Variants in PIGU observed in about 807,000 individuals in gnomAD.
The protein encoded by PIGU is GPI-anchor transamidase component PIGU.
Under a neutral mutation model 49.9 loss-of-function variants are expected in PIGU, and 24 were observed. The observed-to-expected ratio is 0.48, with a 90% CI of 0.35 to 0.68. PIGU has a LOEUF of 0.68. PIGU is among the 30% of genes least tolerant of loss of function. The probability of loss-of-function intolerance (pLI) is 0.01; values close to 1 mark genes in which losing one functional copy is unlikely to be tolerated. For missense variants in PIGU, 490 were observed against 532.6 expected (o/e 0.92, Z 0.79); for synonymous variants, 220 against 205.7 (o/e 1.07, Z -0.59).
intron 4 of PIGU, among the ~76,000 whole-genome samples, chr20:34,641,976 G>T (rs1986176990): frequency 6.6e-6 from 1 of 152,048 alleles, no homozygotes; most frequent in Admixed American, 6.5e-5. Context: ...ATGTCTTGGT[G>T]CACTAAAAAC....
At chr20:34,672,860 A>T (rs1490917044) in intron 1 of PIGU, among the ~76,000 whole-genome samples, 2 of 148,730 alleles carry the variant, frequency 1.3e-5, no homozygotes, top group Admixed American at 6.8e-5. Flanking sequence ...GTCTCTCAAA[A>T]AAAAAAAAAA....
intron 1 of PIGU, among the ~76,000 whole-genome samples, chr20:34,664,028 G>A (rs868697782): frequency 5.0e-4 from 76 of 152,192 alleles, no homozygotes; most frequent in African/African-American, 1.8e-3. Flanking sequence ...CAGTGGATTT[G>A]TTAGTGTATT....
At chr20:34,602,934 C>A (rs1984480943) in intron 7 of PIGU, among the ~76,000 whole-genome samples, 1 of 152,112 alleles carries the variant, frequency 6.6e-6, no homozygotes, top group Admixed American at 6.6e-5. Flanking sequence ...ACATGTGCAT[C>A]CCTTTCTATA....
chr20:34,651,454 T>C (rs764361794), intron 2 of PIGU, among the ~76,000 whole-genome samples: 2 of 152,252 alleles, frequency 1.3e-5, no homozygotes, highest in African/African-American at 4.8e-5. Context: ...TTTTTGTACT[T>C]TCCCCTCTGG....
chr20:34,645,430 C>A (rs1986311932), intron 2 of PIGU, 96 bp from the exon 3 acceptor site: 10 of 1,377,408 alleles, frequency 7.3e-6, no homozygotes, highest in Non-Finnish European at 9.5e-6. Flanking sequence ...ATTATGTCAG[C>A]AAACTATTAT....
Position 34,634,662 on chromosome 20 carries a change from G to A in PIGU, c.482C>T (p.Ala161Val). Residue 161 changes from alanine (A) to valine (V), a missense_variant, in exon 6 of 12, where the codon GCC (alanine) becomes GTC (valine). By Grantham distance (64) the Ala-to-Val change is moderately conservative. Coordinates refer to ENST00000217446, the MANE Select transcript of PIGU (RefSeq NM_080476.5). Reference sequence around the variant, plus strand: ...GAAAGCAATGAGGGTGTTGTTGATGGCACAGGTAGACTTGGCAACACAAGA... The same window carrying A: ...GAAAGCAATGAGGGTGTTGTTGATGACACAGGTAGACTTGGCAACACAAGA... Reference protein sequence around the residue: ...ILSCVAKSTCAINNTLIAFFI... With the variant: ...ILSCVAKSTCVINNTLIAFFI... The A allele has an allele frequency of 3.1e-6, 5 of 1,613,218 alleles. No individual in the cohort carries two copies. The highest frequency in any genetic ancestry group is 3.4e-6 in the Non-Finnish European group (4 of 1,179,370).
At chr20:34,657,269 A>T (rs1032964793) in intron 1 of PIGU, 25 bp from the exon 2 acceptor site, 10 of 1,586,262 alleles carry the variant, frequency 6.3e-6, no homozygotes, top group Non-Finnish European at 7.8e-6. Flanking sequence ...ATACAAGTTC[A>T]CTCAGACTAA....
rs571357775 is a variant in PIGU at position 34,637,338 on chromosome 20, A to C, written c.428+538T>G. 2.6e-5 allele frequency among the ~76,000 whole-genome samples: 4 copies of C among 152,356 alleles called. No homozygotes were observed. In the South Asian group the frequency reaches 6.2e-4, roughly 24 times the overall value. Reference sequence around the variant, plus strand: ...GCCTATCTCAGGAAGATAAATGGGAATAACCCAAAAGAGTACAACTTAATG... The same window carrying C: ...GCCTATCTCAGGAAGATAAATGGGACTAACCCAAAAGAGTACAACTTAATG... On this transcript the variant is annotated intron_variant, in intron 5 of 11. Coordinates refer to ENST00000217446, the MANE Select transcript of PIGU (RefSeq NM_080476.5).
intron 1 of PIGU, among the ~76,000 whole-genome samples, chr20:34,667,470 C>CT (rs1987137426): frequency 6.6e-6 from 1 of 151,058 alleles, no homozygotes; most frequent in South Asian, 2.1e-4. Flanking sequence ...TAATAAAGTG[C>CT]TTTTAAAAAA....
At chr20:34,638,717 G>A (rs933760221) in intron 4 of PIGU, among the ~76,000 whole-genome samples, 2 of 152,222 alleles carry the variant, frequency 1.3e-5, no homozygotes, top group African/African-American at 4.8e-5. Flanking sequence ...GAGGAGGAAA[G>A]CTGGGTGTGG....
chr20:34,641,224 GC>G (rs1303713846), intron 4 of PIGU, among the ~76,000 whole-genome samples: 1 of 152,234 alleles, frequency 6.6e-6, no homozygotes, highest in East Asian at 1.9e-4. Context: ...GCTATAAAGG[GC>G]TTTTTCTAAT....
intron 7 of PIGU, among the ~76,000 whole-genome samples, chr20:34,589,718 T>G (rs1433283131): frequency 7.6e-6 from 1 of 131,296 alleles, no homozygotes; most frequent in Non-Finnish European, 1.6e-5. Context: ...TGCTACGGCG[T>G]GATCTCGGCT....
At chr20:34,667,836 T>C (rs552221816) in intron 1 of PIGU, among the ~76,000 whole-genome samples, 3 of 152,170 alleles carry the variant, frequency 2.0e-5, no homozygotes, top group African/African-American at 7.2e-5. Context: ...GCCCCTAAAA[T>C]GCTGATTAAT....
intron 7 of PIGU, among the ~76,000 whole-genome samples, chr20:34,593,322 A>G (rs1199216729): frequency 7.7e-6 from 1 of 130,350 alleles, no homozygotes; most frequent in Admixed American, 8.8e-5. Context: ...TGGGCAACAG[A>G]GCGAGACTCT....
intron 6 of PIGU, among the ~76,000 whole-genome samples, chr20:34,621,142 A>G (rs1433392775): frequency 2.0e-5 from 3 of 152,150 alleles, no homozygotes; most frequent in Non-Finnish European, 4.4e-5. Context: ...CAACACATTT[A>G]TCTTAACTTT....
intron 7 of PIGU, among the ~76,000 whole-genome samples, chr20:34,597,008 A>G (rs1340397958): frequency 6.6e-6 from 1 of 152,206 alleles, no homozygotes; most frequent in East Asian, 1.9e-4. Flanking sequence ...GTTAGTGAAG[A>G]TGTGTGGCAA....
intron 7 of PIGU, among the ~76,000 whole-genome samples, chr20:34,594,028 T>A (rs1984097642): frequency 6.6e-6 from 1 of 151,886 alleles, no homozygotes; most frequent in Admixed American, 6.6e-5. Flanking sequence ...AATACAAAAA[T>A]TAGCCCTATG....
At chr20:34,652,036 G>A (rs568937178) in intron 2 of PIGU, among the ~76,000 whole-genome samples, 13 of 152,086 alleles carry the variant, frequency 8.5e-5, no homozygotes, top group Non-Finnish European at 1.5e-4. Context: ...ATTTTACTCT[G>A]TTGCCTAGGC....
At chr20:34,599,742 G>C (rs1424073378) in intron 7 of PIGU, among the ~76,000 whole-genome samples, 1 of 152,148 alleles carries the variant, frequency 6.6e-6, no homozygotes, top group Non-Finnish European at 1.5e-5. Context: ...TAAGGATGAT[G>C]GAAGTCAGCG....
Sources: allele counts gnomAD v4.1 joint callset (sites outside exome capture counted in the v4.1 genomes callset), GRCh38; gene constraint gnomAD v4.1.1; transcripts MANE v1.5; gene names NCBI Gene and HGNC (gene_info 2026-07-23, HGNC 2026-07-21).